The following LINGO2 variants were observed in gnomAD, a reference collection of about 807,000 sequenced individuals.
LINGO2 encodes the protein leucine-rich repeat and immunoglobulin-like domain-containing nogo receptor-interacting protein 2.
Under a neutral mutation model 30.6 loss-of-function variants are expected in LINGO2, and 14 were observed. The observed-to-expected ratio is 0.46, with a 90% CI of 0.30 to 0.72. LINGO2 has a LOEUF of 0.72. Ranked by LOEUF, LINGO2 falls within the 30% of genes least tolerant of loss-of-function variation. The pLI is 0.07. For synonymous variants in LINGO2, 317 were observed against 288.5 expected (o/e 1.10, Z -1.00); for missense variants, 729 against 751.7 (o/e 0.97, Z 0.35).
the LINGO2 span, among the ~76,000 whole-genome samples, chr9:29,140,355 A>T: frequency 6.6e-6 from 1 of 151,948 alleles, no homozygotes; most frequent in Admixed American, 6.6e-5. Context: ...AGAAATATTA[A>T]AAAGAACAAA....
chr9:28,391,496 G>T (rs1308722346), intron 2 of LINGO2, among the ~76,000 whole-genome samples: 1 of 152,028 alleles, frequency 6.6e-6, no homozygotes. Context: ...TTTCTGTTAT[G>T]ATTTATCATT....
chr9:28,960,676 T>A, the LINGO2 span, among the ~76,000 whole-genome samples: 1 of 105,130 alleles, frequency 9.5e-6, no homozygotes, highest in Non-Finnish European at 2.2e-5. Context: ...ACATATTTCA[T>A]TTATATGTGG....
the LINGO2 span, among the ~76,000 whole-genome samples, chr9:28,963,781 G>A: frequency 6.6e-6 from 1 of 151,894 alleles, no homozygotes; most frequent in South Asian, 2.1e-4. Flanking sequence ...GGAAGAGTGT[G>A]TGTAGGAAGA....
At chr9:28,216,924 C>T (rs1318958068) in intron 4 of LINGO2, among the ~76,000 whole-genome samples, 2 of 151,720 alleles carry the variant, frequency 1.3e-5, no homozygotes, top group Non-Finnish European at 1.5e-5. Flanking sequence ...CTCTTGCGCA[C>T]ATGAAATTTC....
intron 1 of LINGO2, among the ~76,000 whole-genome samples, chr9:28,629,803 A>T (rs1381191536): frequency 6.6e-6 from 1 of 152,000 alleles, no homozygotes; most frequent in African/African-American, 2.4e-5. Flanking sequence ...TAACATGAAA[A>T]CCTTCCTGGG....
chr9:28,827,366 T>G, the LINGO2 span, among the ~76,000 whole-genome samples: 1 of 152,192 alleles, frequency 6.6e-6, no homozygotes, highest in Non-Finnish European at 1.5e-5. Flanking sequence ...TTGCACACAA[T>G]AATTTAATTT....
chr9:29,052,281 T>G, the LINGO2 span, among the ~76,000 whole-genome samples: 1 of 152,258 alleles, frequency 6.6e-6, no homozygotes, highest in South Asian at 2.1e-4. Flanking sequence ...GACCAATAAT[T>G]ACTGGAAATG....
intron 4 of LINGO2, among the ~76,000 whole-genome samples, chr9:28,183,008 G>A (rs765488369): frequency 1.4e-4 from 22 of 152,106 alleles, no homozygotes; most frequent in Non-Finnish European, 2.9e-4. Flanking sequence ...ACATGCACTC[G>A]TATGTTTATC....
the LINGO2 span, among the ~76,000 whole-genome samples, chr9:29,196,305 A>G: frequency 5.3e-5 from 8 of 152,006 alleles, no homozygotes; most frequent in African/African-American, 1.9e-4. Flanking sequence ...TTGACTGATG[A>G]CTTCCTTTCT....
At chr9:28,850,327 A>T in the LINGO2 span, among the ~76,000 whole-genome samples, 1 of 151,978 alleles carries the variant, frequency 6.6e-6, no homozygotes, top group Non-Finnish European at 1.5e-5. Context: ...ATTCAGACGG[A>T]GAGATATAGC....
At chr9:29,179,158 A>AAT in the LINGO2 span, among the ~76,000 whole-genome samples, 662 of 101,478 alleles carry the variant, frequency 6.5e-3, 6 homozygotes, top group African/African-American at 0.021. Context: ...TCTTACTGTA[A>AAT]ATATATATAT....
chr9:28,746,336 A>G, the LINGO2 span, among the ~76,000 whole-genome samples: 3 of 152,054 alleles, frequency 2.0e-5, no homozygotes, highest in Non-Finnish European at 4.4e-5. Context: ...TTGACACGCT[A>G]TATAAAGTTT....
chr9:28,576,014 G>C (rs1241157809), intron 1 of LINGO2, among the ~76,000 whole-genome samples: 1 of 152,138 alleles, frequency 6.6e-6, no homozygotes, highest in South Asian at 2.1e-4. Context: ...TTACAATGGG[G>C]TTATGTACTG....
At chr9:28,032,148 G>A (rs541780160) in intron 4 of LINGO2, among the ~76,000 whole-genome samples, 30 of 152,086 alleles carry the variant, frequency 2.0e-4, no homozygotes, top group African/African-American at 7.0e-4. Flanking sequence ...CTGCTGTCCT[G>A]TCATGAAGTA....
At chr9:28,358,054 C>G (rs1236065146) in intron 3 of LINGO2, among the ~76,000 whole-genome samples, 1 of 152,082 alleles carries the variant, frequency 6.6e-6, no homozygotes. Flanking sequence ...CAGAATGATT[C>G]ATTTTTCTCT....
chr9:28,425,637 G>C (rs1823379410), intron 2 of LINGO2, among the ~76,000 whole-genome samples: 1 of 151,954 alleles, frequency 6.6e-6, no homozygotes, highest in Non-Finnish European at 1.5e-5. Context: ...GGGTTACGGG[G>C]AAGTAACTTA....
At chr9:28,826,230 T>A in the LINGO2 span, among the ~76,000 whole-genome samples, 4 of 152,268 alleles carry the variant, frequency 2.6e-5, no homozygotes, top group African/African-American at 7.2e-5. Context: ...TTTCTCTTCA[T>A]CTCCTCCACT....
chr9:28,682,001 C>A, the LINGO2 span, among the ~76,000 whole-genome samples: 1 of 152,050 alleles, frequency 6.6e-6, no homozygotes, highest in Admixed American at 6.6e-5. Flanking sequence ...TTACTGACAG[C>A]AAGCTGAAAT....
the LINGO2 span, among the ~76,000 whole-genome samples, chr9:28,789,624 T>C: frequency 1.3e-5 from 2 of 152,076 alleles, no homozygotes; most frequent in African/African-American, 2.4e-5. Context: ...ATTTACACCA[T>C]GGTTAATTTA....
Sources: gnomAD v4.1 joint callset for allele counts (sites outside exome capture counted in the v4.1 genomes callset) on GRCh38, gnomAD v4.1.1 for gene constraint, MANE v1.5 for transcripts, NCBI Gene and HGNC (gene_info 2026-07-23, HGNC 2026-07-21) for gene names.